Variants in NRG1 observed in about 807,000 individuals in gnomAD.
NRG1 encodes the protein pro-neuregulin-1, membrane-bound isoform.
NRG1 carries 18 observed loss-of-function variants against 63.8 expected under a neutral mutation model. That is an observed-to-expected ratio of 0.28 (90% CI 0.19 to 0.42). The LOEUF (loss-of-function observed/expected upper bound fraction) is 0.42, where lower values mean the gene tolerates loss of function less well. NRG1 is among the 10% of genes least tolerant of loss of function. The probability of loss-of-function intolerance (pLI) is 1.00; values close to 1 mark genes in which losing one functional copy is unlikely to be tolerated. For synonymous variants in NRG1, 302 were observed against 301.3 expected (o/e 1.00, Z -0.02); for missense variants, 762 against 814.7 (o/e 0.94, Z 0.79).
At position 32,072,851 on chromosome 8, in the gene NRG1, C is replaced by T. The variant is rs191382183; in HGVS notation, c.37+433420C>T. Among the ~76,000 whole-genome samples the T allele has an allele frequency of 3.9e-5, 6 of 152,228 alleles. No individual in the cohort carries two copies. The East Asian group carries it at 1.2e-3, about 29-fold the overall frequency. On this transcript the variant is annotated intron_variant, in intron 1 of 10. Transcript: ENST00000519301. ...TTACAACTCCTACACAGCTCTACCC[C>T]CTCCACTTTTGAGTTTCAAGACTTT...
intron 1 of NRG1, among the ~76,000 whole-genome samples, chr8:32,535,492 C>G (rs1831865923): frequency 6.6e-6 from 1 of 151,962 alleles, no homozygotes; most frequent in African/African-American, 2.4e-5. Context: ...GAAATAAAAA[C>G]AAACCACGAC....
intron 1 of NRG1, among the ~76,000 whole-genome samples, chr8:31,712,378 C>T (rs1187637313): frequency 1.3e-5 from 2 of 150,086 alleles, no homozygotes; most frequent in Non-Finnish European, 3.0e-5. Flanking sequence ...AAGCGATTCT[C>T]CTGCCTCAGC....
chr8:32,416,135 A>T (rs2129485801), intron 1 of NRG1, among the ~76,000 whole-genome samples: 1 of 152,342 alleles, frequency 6.6e-6, no homozygotes, highest in African/African-American at 2.4e-5. Context: ...TTATGTTTGC[A>T]CTTTAAGCCT....
chr8:32,558,756 G>A (rs7825175), intron 1 of NRG1, among the ~76,000 whole-genome samples: 27,311 of 152,032 alleles, frequency 0.18, 2,591 homozygotes, highest in Non-Finnish European at 0.21. Context: ...TGGCATAGTT[G>A]CTGAGTAATC....
chr8:32,141,663 C>T (rs1346202949), intron 1 of NRG1, among the ~76,000 whole-genome samples: 4 of 131,602 alleles, frequency 3.0e-5, no homozygotes, highest in Admixed American at 1.6e-4. Flanking sequence ...CTCCATGCAT[C>T]CAAAATATTC....
chr8:31,840,599 G>A (rs1826107135), intron 1 of NRG1, among the ~76,000 whole-genome samples: 1 of 152,006 alleles, frequency 6.6e-6, no homozygotes, highest in Non-Finnish European at 1.5e-5. Context: ...ATAATCTTCT[G>A]CCCCCATGTC....
intron 5 of NRG1, among the ~76,000 whole-genome samples, chr8:32,632,435 G>GCTACT (rs2129544342): frequency 6.6e-6 from 1 of 151,860 alleles, no homozygotes; most frequent in East Asian, 1.9e-4. Context: ...TGTAATCCCA[G>GCTACT]CTACTCGGGA....
At position 32,461,956 on chromosome 8, in the gene NRG1, C is replaced by A. The variant is rs1419223829; in HGVS notation, c.38-133872C>A. 2.6e-5 allele frequency among the ~76,000 whole-genome samples: 4 copies of A among 152,092 alleles called. No homozygotes were observed. In the East Asian group the frequency reaches 5.8e-4, roughly 22 times the overall value. On this transcript the variant is annotated intron_variant, in intron 1 of 10. Transcript: ENST00000519301. ...GCTTGAACTCGAAAAGTTTTAGATG[C>A]GAAGTTCCCAAAAATCTAGTAGAGG... is the stretch of plus-strand genomic sequence containing the variant.
chr8:31,950,926 C>G (rs537243621), intron 1 of NRG1, among the ~76,000 whole-genome samples: 50 of 152,340 alleles, frequency 3.3e-4, no homozygotes, highest in African/African-American at 1.2e-3. Context: ...GTGAAAATCA[C>G]TTTCCAAACT....
At chr8:32,248,360 G>A (rs1848785164) in intron 1 of NRG1, among the ~76,000 whole-genome samples, 1 of 151,896 alleles carries the variant, frequency 6.6e-6, no homozygotes, top group African/African-American at 2.4e-5. Flanking sequence ...ACTTTTAATA[G>A]CCATGCATAT....
At chr8:32,225,115 C>T (rs1329270480) in intron 1 of NRG1, among the ~76,000 whole-genome samples, 2 of 152,090 alleles carry the variant, frequency 1.3e-5, no homozygotes, top group Non-Finnish European at 2.9e-5. Context: ...AGCCTGTGAC[C>T]CACGGGAGCA....
chr8:32,530,720 T>C (rs1003812417), intron 1 of NRG1, among the ~76,000 whole-genome samples: 23 of 152,218 alleles, frequency 1.5e-4, no homozygotes, highest in Non-Finnish European at 7.3e-5. Context: ...CATTCTGTTC[T>C]AGTGAATAAT....
chr8:32,726,607 A>T (rs1444198863), intron 5 of NRG1, among the ~76,000 whole-genome samples: 1 of 152,180 alleles, frequency 6.6e-6, no homozygotes, highest in Admixed American at 6.5e-5. Flanking sequence ...GCCATGAGTA[A>T]TTCAGAAATG....
intron 1 of NRG1, among the ~76,000 whole-genome samples, chr8:32,569,560 GA>G (rs949185821): frequency 6.6e-6 from 1 of 152,004 alleles, no homozygotes; most frequent in African/African-American, 2.4e-5. Context: ...GTATCTGTCT[GA>G]AAAAAATTAT....
chr8:32,379,222 A>C (rs1479010498), intron 1 of NRG1, among the ~76,000 whole-genome samples: 4 of 152,164 alleles, frequency 2.6e-5, no homozygotes, highest in African/African-American at 4.8e-5. Flanking sequence ...ATAAAAAAAC[A>C]CTTATCAAAC....
chr8:32,243,694 A>ATATCT (rs1848343750), intron 1 of NRG1, among the ~76,000 whole-genome samples: 1 of 152,064 alleles, frequency 6.6e-6, no homozygotes, highest in African/African-American at 2.4e-5. Context: ...TGTGAAATTC[A>ATATCT]TATCTTGAAG....
chr8:32,657,450 G>A (rs1034429538), intron 5 of NRG1, among the ~76,000 whole-genome samples: 1 of 152,236 alleles, frequency 6.6e-6, no homozygotes, highest in East Asian at 1.9e-4. Context: ...TAAAGCATCA[G>A]AGGTTATAGA....
intron 1 of NRG1, among the ~76,000 whole-genome samples, chr8:32,014,633 CT>C (rs1189675205): frequency 1.3e-5 from 2 of 151,930 alleles, no homozygotes; most frequent in Non-Finnish European, 2.9e-5. Context: ...AGACTTTGAA[CT>C]CACAAGGACT....
chr8:31,966,516 C>T (rs1806356758), intron 1 of NRG1, among the ~76,000 whole-genome samples: 1 of 152,150 alleles, frequency 6.6e-6, no homozygotes, highest in African/African-American at 2.4e-5. Context: ...TGTATATGTC[C>T]CATTATTTGA....
Sources: gnomAD v4.1 joint callset for allele counts (sites outside exome capture counted in the v4.1 genomes callset) on GRCh38, gnomAD v4.1.1 for gene constraint, MANE v1.5 for transcripts, NCBI Gene and HGNC (gene_info 2026-07-23, HGNC 2026-07-21) for gene names.